The following STK3 variants were observed in gnomAD, a reference collection of about 807,000 sequenced individuals.
The protein encoded by STK3 is serine/threonine kinase 3, also known as serine/threonine-protein kinase 3.
Under a neutral mutation model 58.0 loss-of-function variants are expected in STK3, and 41 were observed. The ratio of observed to expected loss-of-function variants is 0.71; its 90% CI spans 0.55 to 0.92. The LOEUF is 0.92. Ranked by LOEUF, STK3 falls within the 40% of genes least tolerant of loss-of-function variation. The pLI is 0.00. For synonymous variants in STK3, 170 were observed against 191.0 expected (o/e 0.89, Z 0.91); for missense variants, 479 against 602.7 (o/e 0.79, Z 2.15).
chr8:98,597,977 C>T, intron 6 of STK3: 2 of 985,300 alleles, frequency 2.0e-6, no homozygotes, highest in Non-Finnish European at 2.4e-6. Flanking sequence ...GGGTTAAAAG[C>T]AGCTGCTGGA....
At chr8:98,909,572 C>T (rs532136569) in intron 1 of STK3, among the ~76,000 whole-genome samples, 1 of 152,322 alleles carries the variant, frequency 6.6e-6, no homozygotes, top group African/African-American at 2.4e-5. Context: ...GTAGAGTTCC[C>T]TCTTCTGGAC....
At chr8:98,811,431 T>C (rs780369573) in intron 1 of STK3, among the ~76,000 whole-genome samples, 14 of 152,018 alleles carry the variant, frequency 9.2e-5, no homozygotes, top group Non-Finnish European at 1.5e-5. Context: ...TCATCTCATA[T>C]GTGAAATCTC....
chr8:98,774,309 T>A (rs972540964), intron 2 of STK3, among the ~76,000 whole-genome samples: 1 of 152,190 alleles, frequency 6.6e-6, no homozygotes, highest in Non-Finnish European at 1.5e-5. Context: ...CTTCTGCCTA[T>A]ATAAACTGTT....
At chr8:98,351,315 T>C in the STK3 span, among the ~76,000 whole-genome samples, 1 of 152,194 alleles carries the variant, frequency 6.6e-6, no homozygotes, top group Non-Finnish European at 1.5e-5. Flanking sequence ...AATGGCTCCA[T>C]GTCCTGACAA....
chr8:98,635,911 A>G (rs1819584994), intron 6 of STK3, among the ~76,000 whole-genome samples: 2 of 152,186 alleles, frequency 1.3e-5, no homozygotes, highest in African/African-American at 4.8e-5. Flanking sequence ...GAAATAAAGT[A>G]CAACTTCTTT....
At chr8:98,374,133 C>T (rs982243841) in intron 2 of STK3, among the ~76,000 whole-genome samples, 9 of 152,204 alleles carry the variant, frequency 5.9e-5, no homozygotes, top group South Asian at 2.1e-4. Flanking sequence ...ATTTCAGAAG[C>T]GTGATGAAGG....
At chr8:98,878,642 G>C (rs1050439214) in intron 3 of STK3, among the ~76,000 whole-genome samples, 1 of 152,150 alleles carries the variant, frequency 6.6e-6, no homozygotes, top group Non-Finnish European at 1.5e-5. Flanking sequence ...CAGGGGCCAC[G>C]TGTGTCAGGG....
Position 98,669,889 on chromosome 8 carries a change from T to C in STK3, c.684+36578A>G, listed in dbSNP as rs541587208. On this transcript the variant is annotated intron_variant, in intron 6 of 10. Coordinates refer to ENST00000419617, the MANE Select transcript of STK3 (RefSeq NM_006281.4). ...TCCCTTTCAAACGATAGAAGATCTC[T>C]TTCACACGATAGATGATAAAATGAA... Among the ~76,000 whole-genome samples the C allele has an allele frequency of 1.6e-4, 25 of 152,318 alleles. No homozygotes were observed. The South Asian group carries it at 5.2e-3, about 32-fold the overall frequency.
At chr8:98,716,296 TAATA>T (rs1421432332) in intron 4 of STK3, among the ~76,000 whole-genome samples, 3 of 151,760 alleles carry the variant, frequency 2.0e-5, no homozygotes, top group African/African-American at 4.8e-5. Context: ...AAAAAAGAAC[TAATA>T]AATAAATTCA....
intron 10 of STK3, among the ~76,000 whole-genome samples, chr8:98,509,011 G>A (rs780120296): frequency 3.3e-5 from 5 of 151,920 alleles, no homozygotes; most frequent in South Asian, 2.1e-4. Context: ...TTCAAAACTC[G>A]ACCCACATTT....
chr8:98,696,827 T>C (rs1587331448), intron 6 of STK3, among the ~76,000 whole-genome samples: 1 of 152,298 alleles, frequency 6.6e-6, no homozygotes, highest in East Asian at 1.9e-4. Context: ...TCTTTTTTGG[T>C]TGTGTCTCTG....
At chr8:98,746,555 G>A (rs1161830296) in intron 4 of STK3, among the ~76,000 whole-genome samples, 3 of 152,118 alleles carry the variant, frequency 2.0e-5, no homozygotes. Flanking sequence ...CGGGGCTATA[G>A]TGAGCCATGA....
intron 8 of STK3, among the ~76,000 whole-genome samples, chr8:98,564,435 G>T (rs1812306117): frequency 6.6e-6 from 1 of 152,112 alleles, no homozygotes; most frequent in African/African-American, 2.4e-5. Flanking sequence ...CTGATCTCAT[G>T]GAAGTAGAGA....
Position 98,684,579 on chromosome 8 carries a change from T to A in STK3, c.684+21888A>T, listed in dbSNP as rs561222174. On this transcript the variant is annotated intron_variant, in intron 6 of 10. Coordinates refer to ENST00000419617, the MANE Select transcript of STK3 (RefSeq NM_006281.4). ...TACAGTACTTAGTATTTTACATGTATTGTTCATATACACTATCCCTTTTGA... is the reference window on the plus strand; with the variant it reads ...TACAGTACTTAGTATTTTACATGTAATGTTCATATACACTATCCCTTTTGA... Among the ~76,000 whole-genome samples the A allele has an allele frequency of 2.6e-5, 4 of 152,308 alleles. No individual in the cohort carries two copies. The South Asian group carries it at 6.2e-4, about 24-fold the overall frequency.
chr8:98,732,764 T>A (rs901676480), intron 4 of STK3, among the ~76,000 whole-genome samples: 2 of 151,430 alleles, frequency 1.3e-5, no homozygotes, highest in African/African-American at 4.9e-5. Flanking sequence ...ATCAGGAAGC[T>A]CCAAAGAAAT....
intron 2 of STK3, among the ~76,000 whole-genome samples, chr8:98,773,112 T>C (rs1831426011): frequency 6.6e-6 from 1 of 152,168 alleles, no homozygotes; most frequent in Non-Finnish European, 1.5e-5. Flanking sequence ...ATTTTTACTT[T>C]ATATATATTT....
At chr8:98,469,770 G>A (rs1314798978) in intron 10 of STK3, among the ~76,000 whole-genome samples, 3 of 152,164 alleles carry the variant, frequency 2.0e-5, no homozygotes, top group Admixed American at 2.0e-4. Flanking sequence ...AAGGAAAAAT[G>A]CATCTTTAAT....
chr8:98,684,129 T>G (rs948750642), intron 6 of STK3, among the ~76,000 whole-genome samples: 3 of 152,008 alleles, frequency 2.0e-5, no homozygotes, highest in Non-Finnish European at 4.4e-5. Flanking sequence ...TAGGGGAAAA[T>G]GAAGAAGTAA....
In STK3 at chr8:98,681,417, C is replaced by T. The variant is rs535713731; in HGVS notation, c.684+25050G>A. ...GCAAGTATCATGAAGGACCAATTTA[C>T]ACAGCAAAGCCAAAACTGTAAAAAA... On this transcript the variant is annotated intron_variant, in intron 6 of 10. Transcript: ENST00000419617. Among the ~76,000 whole-genome samples, 6 of 152,134 alleles carry T rather than the reference C, an allele frequency of 3.9e-5. No homozygotes were observed. The South Asian group carries it at 1.2e-3, about 32-fold the overall frequency.
Sources: gnomAD v4.1 joint callset for allele counts (sites outside exome capture counted in the v4.1 genomes callset) on GRCh38, gnomAD v4.1.1 for gene constraint, MANE v1.5 for transcripts, NCBI Gene and HGNC (gene_info 2026-07-23, HGNC 2026-07-21) for gene names.